The following SLC9A9 variants were observed in gnomAD, a reference collection of about 807,000 sequenced individuals.
The protein encoded by SLC9A9 is sodium/hydrogen exchanger 9.
A neutral mutation model predicts 77.8 loss-of-function variants in SLC9A9; 62 were observed. The ratio of observed to expected loss-of-function variants is 0.80; its 90% CI spans 0.65 to 0.98. The LOEUF (loss-of-function observed/expected upper bound fraction) is 0.98. Ranked by LOEUF, SLC9A9 falls within the 50% of genes least tolerant of loss-of-function variation. The pLI is 0.00. For synonymous variants in SLC9A9, 320 were observed against 283.5 expected, an observed-to-expected ratio of 1.13 and a Z score of -1.29; for missense variants, 775 against 774.9, an observed-to-expected ratio of 1.00 and a Z score of 0.00.
intron 9 of SLC9A9, among the ~76,000 whole-genome samples, chr3:143,506,745 C>T (rs996230089): frequency 6.6e-6 from 1 of 151,748 alleles, no homozygotes; most frequent in African/African-American, 2.4e-5. Context: ...AAGTGTCCTC[C>T]AAAAGATTTT....
At chr3:143,598,259 A>G (rs1444957048) in intron 6 of SLC9A9, among the ~76,000 whole-genome samples, 1 of 152,220 alleles carries the variant, frequency 6.6e-6, no homozygotes, top group Non-Finnish European at 1.5e-5. Context: ...TTCATTTTTA[A>G]AAACTGTATC....
At chr3:143,765,252 T>A (rs1045392641) in intron 4 of SLC9A9, among the ~76,000 whole-genome samples, 1 of 151,312 alleles carries the variant, frequency 6.6e-6, no homozygotes, top group African/African-American at 2.4e-5. Flanking sequence ...TTGCCCAGGC[T>A]GGTCTTGAAC....
intron 14 of SLC9A9, among the ~76,000 whole-genome samples, chr3:143,282,202 T>C (rs1938240438): frequency 1.3e-5 from 2 of 152,162 alleles, no homozygotes; most frequent in East Asian, 3.8e-4. Flanking sequence ...CCAGAGTTGC[T>C]TCTCTTACCT....
chr3:143,754,763 A>T (rs1180665205), intron 4 of SLC9A9, among the ~76,000 whole-genome samples: 1 of 152,208 alleles, frequency 6.6e-6, no homozygotes, highest in Non-Finnish European at 1.5e-5. Context: ...GATGTTCAAA[A>T]GGAAAACTGG....
intron 14 of SLC9A9, chr3:143,313,150 G>A (rs1181143174): frequency 6.6e-6 from 1 of 152,146 alleles, no homozygotes; most frequent in African/African-American, 2.4e-5. Flanking sequence ...AACCCTCATG[G>A]AGTCCTTCAA....
intron 14 of SLC9A9, among the ~76,000 whole-genome samples, chr3:143,341,788 C>T (rs1363594723): frequency 6.6e-6 from 1 of 151,940 alleles, no homozygotes; most frequent in Non-Finnish European, 1.5e-5. Flanking sequence ...ATGATAAGAC[C>T]GTTAATTTAT....
intron 4 of SLC9A9, among the ~76,000 whole-genome samples, chr3:143,787,476 C>T (rs1171833187): frequency 6.6e-6 from 1 of 152,180 alleles, no homozygotes; most frequent in Non-Finnish European, 1.5e-5. Flanking sequence ...CTTTACACCT[C>T]CATACATGCT....
At chr3:143,558,480 C>T (rs562532715) in intron 8 of SLC9A9, among the ~76,000 whole-genome samples, 1 of 152,298 alleles carries the variant, frequency 6.6e-6, no homozygotes, top group Non-Finnish European at 1.5e-5. Context: ...GCCACAGAGT[C>T]AGAGCTGTCC....
intron 14 of SLC9A9, among the ~76,000 whole-genome samples, chr3:143,292,729 C>T (rs1157840620): frequency 6.6e-6 from 1 of 152,106 alleles, no homozygotes; most frequent in Non-Finnish European, 1.5e-5. Flanking sequence ...AAGATGGGCT[C>T]ACAGCTGTGT....
At chr3:143,592,874 TC>T (rs913162787) in intron 6 of SLC9A9, among the ~76,000 whole-genome samples, 5 of 152,104 alleles carry the variant, frequency 3.3e-5, no homozygotes, top group African/African-American at 1.2e-4. Flanking sequence ...GGCTAGATCT[TC>T]AAAAGATCCA....
chr3:143,609,945 G>C (rs1045898320), intron 6 of SLC9A9, among the ~76,000 whole-genome samples: 1 of 151,994 alleles, frequency 6.6e-6, no homozygotes, highest in Admixed American at 6.6e-5. Flanking sequence ...TTTCCCTACA[G>C]ATATGAAAAG....
chr3:143,791,937 T>G (rs1206651202), intron 4 of SLC9A9, among the ~76,000 whole-genome samples: 1 of 152,220 alleles, frequency 6.6e-6, no homozygotes, highest in Non-Finnish European at 1.5e-5. Context: ...TTATACAATT[T>G]CATTTTTTTG....
chr3:143,412,526 C>T (rs927589560), intron 12 of SLC9A9, among the ~76,000 whole-genome samples: 4 of 150,738 alleles, frequency 2.7e-5, no homozygotes, highest in African/African-American at 7.4e-5. Flanking sequence ...TCCTCACATT[C>T]CCCAGATCCA....
At chr3:143,641,647 C>T (rs933727319) in intron 6 of SLC9A9, among the ~76,000 whole-genome samples, 5 of 152,170 alleles carry the variant, frequency 3.3e-5, no homozygotes, top group Non-Finnish European at 7.4e-5. Flanking sequence ...CCAGCCTTGG[C>T]CTCCCAAAGT....
chr3:143,621,056 C>T lies in SLC9A9; in HGVS notation c.755+31199G>A, dbSNP rs548359524. The stretch of plus-strand genomic sequence containing the variant: ...CTGAGATCAAACTGCAAGGTGACAG[C>T]GAGGCTGGGGGAGGGGCGCCCACCA... On this transcript the variant is annotated intron_variant, in intron 6 of 15. Coordinates refer to ENST00000316549, the MANE Select transcript of SLC9A9 (RefSeq NM_173653.4). 7.9e-5 allele frequency among the ~76,000 whole-genome samples: 12 copies of T among 152,244 alleles called. No individual in the cohort carries two copies. In the South Asian group the frequency reaches 8.3e-4, roughly 11 times the overall value.
chr3:143,557,525 T>G (rs2037007626), intron 8 of SLC9A9, among the ~76,000 whole-genome samples: 1 of 152,136 alleles, frequency 6.6e-6, no homozygotes, highest in Non-Finnish European at 1.5e-5. Flanking sequence ...CTTCAGGGAC[T>G]CAGAAGACAG....
chr3:143,342,898 C>T (rs1278787262), intron 14 of SLC9A9, among the ~76,000 whole-genome samples: 1 of 152,160 alleles, frequency 6.6e-6, no homozygotes, highest in East Asian at 1.9e-4. Flanking sequence ...AAGATCATTC[C>T]TTCTTTCTTA....
intron 8 of SLC9A9, among the ~76,000 whole-genome samples, chr3:143,554,074 C>T (rs1480316851): frequency 1.3e-5 from 2 of 152,028 alleles, no homozygotes; most frequent in Non-Finnish European, 1.5e-5. Context: ...GTTTTGCTGA[C>T]CTGTTCACTG....
rs958616821 is a variant in SLC9A9 at position 143,266,417 on chromosome 3, C to T, written c.*285G>A. 1.1e-4 allele frequency: 63 copies of T among 551,750 alleles called. No individual in the cohort carries two copies. The highest frequency in any genetic ancestry group is 1.9e-4 in the South Asian group (9 of 48,166). 34.2% of individuals were successfully genotyped at this position (551,750 alleles called of 1,614,324 possible). On this transcript the variant is annotated 3_prime_UTR_variant, in exon 16 of 16. Transcript: ENST00000316549. The stretch of plus-strand genomic sequence containing the variant: ...CCCTGAAGACCCAGCACAGCTGTCC[C>T]ATCCTCCAGCAGCTAGACTCCTGAT...
Sources: gnomAD v4.1 joint callset for allele counts (sites outside exome capture counted in the v4.1 genomes callset) on GRCh38, gnomAD v4.1.1 for gene constraint, MANE v1.5 for transcripts, NCBI Gene and HGNC (gene_info 2026-07-23, HGNC 2026-07-21) for gene names.